Variants in TBC1D22A observed in about 807,000 individuals in gnomAD.
TBC1D22A encodes the protein putative GTPase activator.
A neutral mutation model predicts 60.2 loss-of-function variants in TBC1D22A; 38 were observed. The ratio of observed to expected loss-of-function variants is 0.63; its 90% CI spans 0.49 to 0.83. The LOEUF (loss-of-function observed/expected upper bound fraction) is 0.83. Among genes scored for constraint, TBC1D22A ranks in the 40% least tolerant of loss-of-function variants. TBC1D22A has a pLI of 0.00. For synonymous variants in TBC1D22A, 302 were observed against 281.7 expected, an observed-to-expected ratio of 1.07 and a Z score of -0.72; for missense variants, 628 against 701.0, an observed-to-expected ratio of 0.90 and a Z score of 1.18.
At chr22:46,875,541 T>A (rs2067517422) in intron 4 of TBC1D22A, among the ~76,000 whole-genome samples, 1 of 151,922 alleles carries the variant, frequency 6.6e-6, no homozygotes, top group Non-Finnish European at 1.5e-5. Flanking sequence ...AGCCTCCGCC[T>A]CCCAGGTTCA....
chr22:46,986,812 T>C (rs921141775), intron 9 of TBC1D22A, among the ~76,000 whole-genome samples: 2 of 152,216 alleles, frequency 1.3e-5, no homozygotes, highest in African/African-American at 4.8e-5. Flanking sequence ...GAGGCAGCCA[T>C]GCCTTTGTGC....
At chr22:46,861,650 C>T (rs991269946) in intron 4 of TBC1D22A, among the ~76,000 whole-genome samples, 9 of 152,232 alleles carry the variant, frequency 5.9e-5, no homozygotes, top group Non-Finnish European at 1.3e-4. Context: ...GAATTGCGCA[C>T]CTCCCAGGAG....
At chr22:47,049,681 G>C (rs1417255211) in intron 11 of TBC1D22A, among the ~76,000 whole-genome samples, 1 of 152,000 alleles carries the variant, frequency 6.6e-6, no homozygotes, top group Non-Finnish European at 1.5e-5. Flanking sequence ...TTTCTCTTTG[G>C]CTCTGTCACA....
intron 12 of TBC1D22A, chr22:47,116,600 G>C (rs35822012): frequency 6.6e-6 from 1 of 152,106 alleles, no homozygotes; most frequent in Non-Finnish European, 1.5e-5. Flanking sequence ...AGCATGCTCC[G>C]GGCAGTCTGT....
intron 9 of TBC1D22A, among the ~76,000 whole-genome samples, chr22:46,987,856 C>T (rs1276193254): frequency 6.6e-6 from 1 of 152,176 alleles, no homozygotes; most frequent in Non-Finnish European, 1.5e-5. Context: ...AAAGAGTTCC[C>T]TGTAGCTTGC....
At chr22:46,962,529 G>GATCAC (rs2073563821) in intron 8 of TBC1D22A, among the ~76,000 whole-genome samples, 1 of 152,182 alleles carries the variant, frequency 6.6e-6, no homozygotes, top group South Asian at 2.1e-4. Context: ...TCTCTGTGTG[G>GATCAC]ATCACATACC....
chr22:47,158,917 A>G (rs1037885839), intron 12 of TBC1D22A, among the ~76,000 whole-genome samples: 1 of 151,912 alleles, frequency 6.6e-6, no homozygotes, highest in Non-Finnish European at 1.5e-5. Flanking sequence ...ACATAAATAC[A>G]CATCACATGC....
At chr22:46,792,886 T>G in intron 2 of TBC1D22A, 1 of 1,421,122 alleles carries the variant, frequency 7.0e-7, no homozygotes, top group Non-Finnish European at 9.2e-7. Flanking sequence ...TGCTGGCTTG[T>G]CCTTTCCCCT....
intron 4 of TBC1D22A, among the ~76,000 whole-genome samples, chr22:46,840,977 A>G (rs1602101485): frequency 6.6e-6 from 1 of 151,938 alleles, no homozygotes; most frequent in Non-Finnish European, 1.5e-5. Context: ...TCATTGCAGC[A>G]TTATTCTCAA....
At chr22:47,103,937 T>G (rs1320440836) in intron 11 of TBC1D22A, among the ~76,000 whole-genome samples, 1 of 152,178 alleles carries the variant, frequency 6.6e-6, no homozygotes, top group Non-Finnish European at 1.5e-5. Flanking sequence ...ATTCAAAATA[T>G]TTTACCCCAA....
chr22:46,771,571 AT>A (rs1308447061), intron 1 of TBC1D22A, among the ~76,000 whole-genome samples: 2 of 149,710 alleles, frequency 1.3e-5, no homozygotes, highest in Non-Finnish European at 3.0e-5. Flanking sequence ...ATGACTTTGC[AT>A]CCTCATGGCT....
At chr22:47,112,361 G>C (rs2065882138) in intron 12 of TBC1D22A, among the ~76,000 whole-genome samples, 1 of 152,208 alleles carries the variant, frequency 6.6e-6, no homozygotes, top group African/African-American at 2.4e-5. Context: ...AGCAGACCAG[G>C]CTCTGCACCA....
intron 11 of TBC1D22A, among the ~76,000 whole-genome samples, chr22:47,041,555 G>T (rs2148411356): frequency 6.6e-6 from 1 of 152,220 alleles, no homozygotes; most frequent in East Asian, 1.9e-4. Context: ...GGTCCTTTAA[G>T]GAAAAGGTTT....
chr22:46,769,067 C>T lies in TBC1D22A; in HGVS notation c.62+6219C>T, dbSNP rs904901359. On this transcript the variant is annotated intron_variant, in intron 1 of 12. Coordinates refer to ENST00000337137, the MANE Select transcript of TBC1D22A (RefSeq NM_014346.5). ...TGAGATCGCGTCACTGCACTCTAGC[C>T]TGGGCGACAGGGCAAGACTCTGTCT... Among the ~76,000 whole-genome samples, 3 of 130,264 alleles carry T rather than the reference C, an allele frequency of 2.3e-5. No homozygotes were observed. The South Asian group carries it at 7.0e-4, about 31-fold the overall frequency. 85.5% of individuals were successfully genotyped at this position (130,264 alleles called of 152,430 possible). A position where few individuals can be genotyped will look rare whatever the true frequency, so the allele number is the denominator to read the frequency against.
Position 46,852,154 on chromosome 22 carries a change from G to A in TBC1D22A, c.638-26499G>A, listed in dbSNP as rs1569130739. 3.3e-5 allele frequency among the ~76,000 whole-genome samples: 5 copies of A among 152,222 alleles called. 1 individual carries two copies. The highest frequency in any genetic ancestry group is 2.0e-4 in the Admixed American group (3 of 15,288). On this transcript the variant is annotated intron_variant, in intron 4 of 12. Coordinates refer to ENST00000337137, the MANE Select transcript of TBC1D22A (RefSeq NM_014346.5). Reference sequence around the variant, plus strand: ...CTGCTCAGCTATTTGGGGGGATGTCGTGGGCATCACAGTGGCCTTGTATCT... The same window carrying A: ...CTGCTCAGCTATTTGGGGGGATGTCATGGGCATCACAGTGGCCTTGTATCT...
At position 46,886,161 on chromosome 22, in the gene TBC1D22A, A is replaced by G. The variant is rs188971682; in HGVS notation, c.709-5105A>G. ...TGATCTGCCCGCCTCTGCCTCCCAA[A>G]GTGCTGGGATTACAGGTGTGAGCCG... On this transcript the variant is annotated intron_variant, in intron 5 of 12. Coordinates refer to ENST00000337137, the MANE Select transcript of TBC1D22A (RefSeq NM_014346.5). 4.0e-3 allele frequency among the ~76,000 whole-genome samples: 615 copies of G among 152,178 alleles called. 4 individuals carry two copies. The highest frequency in any genetic ancestry group is 7.3e-3 in the Non-Finnish European group (497 of 67,996).
chr22:47,068,032 A>G (rs2063837100), intron 11 of TBC1D22A, among the ~76,000 whole-genome samples: 1 of 152,252 alleles, frequency 6.6e-6, no homozygotes, highest in Non-Finnish European at 1.5e-5. Context: ...CAGGGAGTAG[A>G]CATACCTCCA....
At chr22:46,877,888 C>T (rs550049715) in intron 4 of TBC1D22A, among the ~76,000 whole-genome samples, 7 of 152,286 alleles carry the variant, frequency 4.6e-5, no homozygotes, top group East Asian at 3.9e-4. Flanking sequence ...CAAGGAGACT[C>T]GGAAGGTCGA....
intron 12 of TBC1D22A, among the ~76,000 whole-genome samples, chr22:47,156,739 G>A (rs2067733440): frequency 6.6e-6 from 1 of 152,128 alleles, no homozygotes. Flanking sequence ...GTCACCTGAT[G>A]GATCCGTGTA....
Sources: allele counts gnomAD v4.1 joint callset (sites outside exome capture counted in the v4.1 genomes callset), GRCh38; gene constraint gnomAD v4.1.1; transcripts MANE v1.5; gene names NCBI Gene and HGNC (gene_info 2026-07-23, HGNC 2026-07-21).